The following PAX5 variants were observed in gnomAD, a reference collection of about 807,000 sequenced individuals.
PAX5 encodes paired box 5, also known as paired box protein Pax-5.
PAX5 carries 9 observed loss-of-function variants against 43.7 expected under a neutral mutation model. The observed-to-expected ratio is 0.21, with a 90% CI of 0.12 to 0.36. The LOEUF is 0.36. PAX5 is among the 10% of genes least tolerant of loss of function. The probability of loss-of-function intolerance (pLI) is 1.00; values close to 1 mark genes in which losing one functional copy is unlikely to be tolerated. For synonymous variants in PAX5, 228 were observed against 214.3 expected (o/e 1.06, Z -0.56); for missense variants, 383 against 532.7 (o/e 0.72, Z 2.77).
chr9:36,964,108 G>A lies in PAX5; in HGVS notation c.780+2441C>T, dbSNP rs563913101. Among the ~76,000 whole-genome samples the A allele has an allele frequency of 9.2e-5, 14 of 151,870 alleles. No individual in the cohort carries two copies. In the East Asian group the frequency reaches 2.5e-3, roughly 27 times the overall value. On this transcript the variant is annotated intron_variant, in intron 6 of 9. Transcript: ENST00000358127. Reference sequence around the variant, plus strand: ...ATCCCGGCTAACACGGCGAAACCCTGCCCCTACTAAAAAATAGAAAAAATT... The same window carrying A: ...ATCCCGGCTAACACGGCGAAACCCTACCCCTACTAAAAAATAGAAAAAATT...
Position 36,837,125 on chromosome 9 carries a change from C to T in PAX5, c.*3435G>A, listed in dbSNP as rs75445669. On this transcript the variant is annotated 3_prime_UTR_variant, in exon 10 of 10. Coordinates refer to ENST00000358127, the MANE Select transcript of PAX5 (RefSeq NM_016734.3). ...TGGGGGAGTGTCTTTAAGCCATACA[C>T]TCCCATGACAGGAGCACAACTCGGT... is the stretch of plus-strand genomic sequence containing the variant. 1,320 of 233,112 alleles carry T rather than the reference C, an allele frequency of 5.7e-3. 15 individuals carry two copies. The highest frequency in any genetic ancestry group is 0.027 in the African/African-American group (1,207 of 45,422). 14.4% of individuals were successfully genotyped at this position (233,112 alleles called of 1,614,324 possible).
intron 2 of PAX5, among the ~76,000 whole-genome samples, chr9:37,019,209 GTCT>G (rs2132494719): frequency 6.6e-6 from 1 of 151,906 alleles, no homozygotes; most frequent in African/African-American, 2.4e-5. Flanking sequence ...TTTTCTCTTT[GTCT>G]TCTTTTTCTC....
rs150757053 is a variant in PAX5, at chr9:36,869,153, G to T, written c.1012+12851C>A. Among the ~76,000 whole-genome samples, 1,283 of 152,324 alleles carry T rather than the reference G, an allele frequency of 8.4e-3. 9 individuals carry two copies. Among genetic ancestry groups the T allele is most frequent in the Non-Finnish European group, 0.014 (951 of 68,014 alleles). Reference sequence around the variant, plus strand: ...GGAGGCAGCGGTTGGTCCAGATGAAGACTGACAGCTGTCAGGGTCTTGGAG... The same window carrying T: ...GGAGGCAGCGGTTGGTCCAGATGAATACTGACAGCTGTCAGGGTCTTGGAG... On this transcript the variant is annotated intron_variant, in intron 8 of 9. Transcript: ENST00000358127.
chr9:36,949,716 C>T (rs569192110), intron 6 of PAX5, among the ~76,000 whole-genome samples: 1 of 152,162 alleles, frequency 6.6e-6, no homozygotes, highest in East Asian at 1.9e-4. Context: ...CTGACGCACT[C>T]CCCAGTAGAA....
chr9:36,851,472 G>A lies in PAX5; in HGVS notation c.1013-4543C>T, dbSNP rs7866112. ...ATGGAAATCAGAGGAAGGAGCCAGC[G>A]GGATTGAGATGAAAGAAAGTGGCTG... On this transcript the variant is annotated intron_variant, in intron 8 of 9. Transcript: ENST00000358127. 5.1e-3 allele frequency among the ~76,000 whole-genome samples: 772 copies of A among 152,284 alleles called. 6 individuals are homozygous for A. Among genetic ancestry groups the A allele is most frequent in the African/African-American group, 0.017 (723 of 41,556 alleles).
intron 5 of PAX5, among the ~76,000 whole-genome samples, chr9:36,979,329 C>A (rs1362490294): frequency 6.6e-6 from 1 of 152,168 alleles, no homozygotes; most frequent in Non-Finnish European, 1.5e-5. Context: ...TGAACAAGCA[C>A]AAATTATAAG....
intron 4 of PAX5, among the ~76,000 whole-genome samples, chr9:37,003,162 A>C (rs1235675120): frequency 1.4e-5 from 2 of 148,128 alleles, no homozygotes; most frequent in African/African-American, 4.9e-5. Context: ...CTTAAAAAAA[A>C]AAAAAAAAAA....
chr9:36,968,336 G>A (rs1309867449), intron 5 of PAX5, among the ~76,000 whole-genome samples: 1 of 152,152 alleles, frequency 6.6e-6, no homozygotes, highest in Non-Finnish European at 1.5e-5. Context: ...GTGAGATGTG[G>A]TGTCACCAAG....
intron 5 of PAX5, among the ~76,000 whole-genome samples, chr9:37,002,226 G>C (rs970757693): frequency 6.6e-6 from 1 of 152,100 alleles, no homozygotes; most frequent in Admixed American, 6.5e-5. Flanking sequence ...CCCTCCGCAC[G>C]TGTGCCCCTC....
chr9:37,013,315 C>T (rs55782407), intron 3 of PAX5, among the ~76,000 whole-genome samples: 3,024 of 152,222 alleles, frequency 0.02, 35 homozygotes, highest in South Asian at 0.065. Context: ...TCGTCTTTTG[C>T]CTGGCCTGCT....
Position 36,840,643 on chromosome 9 carries a change from G to A in PAX5, c.1100-7C>T. 6.5e-7 allele frequency: 1 copy of A among 1,544,348 alleles called. No individual in the cohort carries two copies. The highest frequency in any genetic ancestry group is 8.8e-7 in the Non-Finnish European group (1 of 1,138,284). On this transcript the variant is annotated splice_polypyrimidine_tract_variant and splice_region_variant and intron_variant, in intron 9 of 9. Transcript: ENST00000358127. Reference sequence around the variant, plus strand: ...CTATAATAGTAGGGGGAGCCTGGAAGAGACGGGAGAGAGCACCGAGGTCAG... The same window carrying A: ...CTATAATAGTAGGGGGAGCCTGGAAAAGACGGGAGAGAGCACCGAGGTCAG...
At chr9:36,949,906 G>A (rs777849860) in intron 6 of PAX5, among the ~76,000 whole-genome samples, 5 of 148,796 alleles carry the variant, frequency 3.4e-5, no homozygotes, top group African/African-American at 5.0e-5. Context: ...CAGATTTCCC[G>A]TTCCTCGGGA....
Position 36,846,812 on chromosome 9 carries a change from A to G in PAX5, c.1099+31T>C, listed in dbSNP as rs367924955. 211 of 1,545,006 alleles carry G rather than the reference A, an allele frequency of 1.4e-4. No individual in the cohort carries two copies. The African/African-American group carries it at 2.7e-3, about 20-fold the overall frequency. On this transcript the variant is annotated intron_variant, in intron 9 of 9. Transcript: ENST00000358127. ...CCTGGATGGGGTAGCTGATGGCCCA[A>G]GGGCCCCGCAGGGCCTCCGCCAGTA...
At chr9:36,952,760 A>C (rs1478439505) in intron 6 of PAX5, among the ~76,000 whole-genome samples, 1 of 152,184 alleles carries the variant, frequency 6.6e-6, no homozygotes, top group East Asian at 1.9e-4. Flanking sequence ...GAATATTCCC[A>C]GTTCCTCATT....
At chr9:36,973,602 C>T (rs1296067955) in intron 5 of PAX5, among the ~76,000 whole-genome samples, 1 of 152,122 alleles carries the variant, frequency 6.6e-6, no homozygotes, top group Non-Finnish European at 1.5e-5. Flanking sequence ...AGCAGTGGTT[C>T]CTGCCTATAA....
intron 6 of PAX5, 151 bp from the exon 7 acceptor site, chr9:36,923,635 A>G (rs1365655964): frequency 2.5e-6 from 2 of 793,648 alleles, no homozygotes; most frequent in Non-Finnish European, 3.9e-6. Flanking sequence ...CCAGTGTTGA[A>G]AGGGCAGAGT....
chr9:36,936,623 T>C (rs1024422990), intron 6 of PAX5, among the ~76,000 whole-genome samples: 3 of 152,182 alleles, frequency 2.0e-5, no homozygotes, highest in South Asian at 2.1e-4. Context: ...AAGACTCTCA[T>C]AGTTCACATT....
intron 7 of PAX5, among the ~76,000 whole-genome samples, chr9:36,898,018 C>T (rs1828020019): frequency 6.6e-6 from 1 of 152,302 alleles, no homozygotes; most frequent in African/African-American, 2.4e-5. Context: ...AATGCCTGTG[C>T]CTCGATGAGC....
Position 37,032,713 on chromosome 9 carries a change from T to C in PAX5, c.46+1273A>G, listed in dbSNP as rs562042968. On this transcript the variant is annotated intron_variant, in intron 1 of 9. Transcript: ENST00000358127. ...GCTTCTTGCCAGGGCCAAGAGAGTG[T>C]TTGTGTGGGAGTTACACAGTGGCCT... 2.6e-5 allele frequency among the ~76,000 whole-genome samples: 4 copies of C among 152,220 alleles called. No homozygotes were observed. The South Asian group carries it at 6.2e-4, about 24-fold the overall frequency.
Sources: gnomAD v4.1 joint callset for allele counts (sites outside exome capture counted in the v4.1 genomes callset) on GRCh38, gnomAD v4.1.1 for gene constraint, MANE v1.5 for transcripts, NCBI Gene and HGNC (gene_info 2026-07-23, HGNC 2026-07-21) for gene names.